MEIOC: variants seen among roughly 807,000 people sequenced by gnomAD.
MEIOC encodes the protein meiosis specific with coiled-coil domain.
A neutral mutation model predicts 85.3 loss-of-function variants in MEIOC; 9 were observed. The observed-to-expected ratio is 0.11, with a 90% CI of 0.06 to 0.18. The LOEUF (loss-of-function observed/expected upper bound fraction) is 0.18. Among genes scored for constraint, MEIOC ranks in the 10% least tolerant of loss-of-function variants. MEIOC has a pLI of 1.00. For missense variants in MEIOC, 898 were observed against 1,129.4 expected (o/e 0.80, Z 2.94); for synonymous variants, 365 against 393.7 (o/e 0.93, Z 0.86).
chr17:44,658,377 G>C (rs1485322609), intron 2 of MEIOC, among the ~76,000 whole-genome samples: 1 of 149,102 alleles, frequency 6.7e-6, no homozygotes, highest in East Asian at 2.1e-4. Context: ...GTATGGTCTC[G>C]ATCTCCTGAC....
intron 2 of MEIOC, 75 bp from the exon 3 acceptor site, chr17:44,662,242 G>A (rs1196697030): frequency 1.1e-5 from 12 of 1,133,948 alleles, no homozygotes; most frequent in Admixed American, 5.6e-5. Context: ...TGTTATTTCC[G>A]CTTTCTTATT....
At chr17:44,673,289 C>T in intron 6 of MEIOC, 77 bp from the exon 7 acceptor site, 1 of 1,049,418 alleles carries the variant, frequency 9.5e-7, no homozygotes, top group Non-Finnish European at 1.3e-6. Flanking sequence ...CATCTCTATT[C>T]TGCTTCACTG....
chr17:44,666,508 A>G lies in MEIOC; in HGVS notation c.597A>G (p.Glu199=), dbSNP rs1971905871. The G allele has an allele frequency of 6.2e-7, 1 of 1,605,138 alleles. No individual in the cohort carries two copies. The highest frequency in any genetic ancestry group is 1.7e-5 in the Admixed American group (1 of 58,606). The stretch of plus-strand genomic sequence containing the variant: ...CTCAGCAAGCTTTTTATAGTGATGA[A>G]TCTGTGTCAGCAATGGAAAAGCAAT... ...VISQQAFYSD[E]SVSAMEKQYL... The change falls in exon 5 of 8, where the codon GAA becomes GAG. Residue 199 remains glutamate, a synonymous_variant. Coordinates refer to ENST00000409122, the MANE Select transcript of MEIOC (RefSeq NM_001145080.3).
Position 44,665,501 on chromosome 17 carries a change from TC to T in MEIOC, c.464+14del. ...ATTTTGCTGAAGGGTTAGTATATAATCTATATAGTATATAACAGGCTTTTAA... is the reference window on the plus strand; with the variant it reads ...ATTTTGCTGAAGGGTTAGTATATAATTATATAGTATATAACAGGCTTTTAA... On this transcript the variant is annotated intron_variant, in intron 4 of 7. Transcript: ENST00000409122. 2.1e-6 allele frequency: 3 copies of T among 1,419,650 alleles called. No individual in the cohort carries two copies. Among genetic ancestry groups the T allele is most frequent in the Non-Finnish European group, 2.9e-6 (3 of 1,039,020 alleles). 87.9% of individuals were successfully genotyped at this position (1,419,650 alleles called of 1,614,324 possible). A position where few individuals can be genotyped will look rare whatever the true frequency, so the allele number is the denominator to read the frequency against.
Position 44,675,713 on chromosome 17 carries a change from G to A in MEIOC, c.*1517G>A. The stretch of plus-strand genomic sequence containing the variant: ...CAGTCACTGCATAGAAAGTGGTTAA[G>A]TTTAACATAAGACATGTTGGATGTT... On this transcript the variant is annotated 3_prime_UTR_variant, in exon 8 of 8. Coordinates refer to ENST00000409122, the MANE Select transcript of MEIOC (RefSeq NM_001145080.3). 1.0e-6 allele frequency: 1 copy of A among 982,346 alleles called. No homozygotes were observed. Among genetic ancestry groups the A allele is most frequent in the Non-Finnish European group, 1.2e-6 (1 of 827,144 alleles). The allele number at this position is 982,346 out of a possible 1,614,324, so 60.9% of individuals were successfully genotyped here.
In MEIOC at chr17:44,668,177, A is replaced by T. The variant is rs753844969; in HGVS notation, c.2266A>T (p.Ile756Phe). The change falls in exon 5 of 8, where the codon ATT becomes TTT. Residue 756 changes from isoleucine (I) to phenylalanine (F), a missense_variant. This residue lies in a region of MEIOC where 164 missense variants were observed against 269.2 expected (regional missense o/e 0.61). Coordinates refer to ENST00000409122, the MANE Select transcript of MEIOC (RefSeq NM_001145080.3). ...TAGTGGACCAGCCAGTGAACTTCAT[A>T]TTCGTCTAGAAGAGTGCTGTGAACA... ...TRSGPASELH[I>F]RLEECCEQWR... 3 of 1,613,950 alleles carry T rather than the reference A, an allele frequency of 1.9e-6. No individual in the cohort carries two copies. The highest frequency in any genetic ancestry group is 2.5e-6 in the Non-Finnish European group (3 of 1,179,844).
chr17:44,667,522 A>G lies in MEIOC; in HGVS notation c.1611A>G (p.Gln537=). The G allele has an allele frequency of 6.2e-7, 1 of 1,614,006 alleles. No individual in the cohort carries two copies. The highest frequency in any genetic ancestry group is 8.5e-7 in the Non-Finnish European group (1 of 1,179,886). Residue 537 remains glutamine (Q), a synonymous_variant, in exon 5 of 8, where the codon CAA becomes CAG. Transcript: ENST00000409122. ...PNSNLFQKYC[Q]ENPSAFSSFD... Reference sequence around the variant, plus strand: ...GCAATTTATTTCAGAAATATTGCCAAGAAAACCCTTCAGCATTTTCTAGTT... The same window carrying G: ...GCAATTTATTTCAGAAATATTGCCAGGAAAACCCTTCAGCATTTTCTAGTT...
At chr17:44,666,284 T>C (rs1971902118) in intron 4 of MEIOC, 92 bp from the exon 5 acceptor site, 5 of 1,076,824 alleles carry the variant, frequency 4.6e-6, no homozygotes, top group Non-Finnish European at 5.3e-6. Flanking sequence ...TGGGGCAAGA[T>C]AAATGTTTTT....
At chr17:44,660,677 C>CT (rs1383763841) in intron 2 of MEIOC, among the ~76,000 whole-genome samples, 8 of 152,136 alleles carry the variant, frequency 5.3e-5, no homozygotes, top group African/African-American at 1.7e-4. Flanking sequence ...TTTCAGTCTT[C>CT]TTTAAGGAAG....
chr17:44,670,746 A>T (rs1157264344), intron 6 of MEIOC: 1 of 139,840 alleles, frequency 7.2e-6, no homozygotes. Flanking sequence ...GCCATGTTGC[A>T]CAGGTTGGTC....
At chr17:44,671,828 C>T (rs1043496432) in intron 6 of MEIOC, among the ~76,000 whole-genome samples, 4 of 151,918 alleles carry the variant, frequency 2.6e-5, no homozygotes, top group Non-Finnish European at 5.9e-5. Flanking sequence ...ATGGTGTGAA[C>T]CTGGCAGACG....
intron 2 of MEIOC, among the ~76,000 whole-genome samples, chr17:44,658,211 G>A (rs1434039603): frequency 6.8e-6 from 1 of 147,926 alleles, no homozygotes; most frequent in Non-Finnish European, 1.5e-5. Context: ...CTGGAGTGCA[G>A]TGACGCAATC....
rs1157897773 is a variant in MEIOC, at chr17:44,656,647, C to T, written c.34C>T (p.Pro12Ser). The T allele has an allele frequency of 6.7e-7, 1 of 1,490,154 alleles. No individual in the cohort carries two copies. Among genetic ancestry groups the T allele is most frequent in the Admixed American group, 2.3e-5 (1 of 42,596 alleles). 92.3% of individuals were successfully genotyped at this position (1,490,154 alleles called of 1,614,324 possible). The change falls in exon 1 of 8, where the codon CCT becomes TCT. Residue 12 changes from proline to serine, a missense_variant. This residue lies in a region of MEIOC where 734 missense variants were observed against 860.1 expected (regional missense o/e 0.85). Coordinates refer to ENST00000409122, the MANE Select transcript of MEIOC (RefSeq NM_001145080.3). ...EVRRGDTCPR[P>S]HPSGLREEGL... is the part of the protein sequence containing the mutation. ...GAGACGCGGAGACACCTGCCCGCGCCCTCACCCCTCAGGCCTGAGGGAGGA... is the reference window on the plus strand; with the variant it reads ...GAGACGCGGAGACACCTGCCCGCGCTCTCACCCCTCAGGCCTGAGGGAGGA...
chr17:44,667,857 C>G lies in MEIOC; in HGVS notation c.1946C>G (p.Thr649Arg), dbSNP rs184219664. Residue 649 changes from threonine (T) to arginine (R), a missense_variant, in exon 5 of 8, where the codon ACG becomes AGG. Thr to Arg is a moderately conservative substitution (Grantham distance 71, BLOSUM62 -1). Transcript: ENST00000409122. ...ESQGHSNSHRTRGGDNSRVNR... is the reference protein window; with the variant it reads ...ESQGHSNSHRRRGGDNSRVNR... ...CAGGGTCATTCTAATAGCCACAGAA[C>G]GAGAGGTGGAGACAATAGCCGTGTG... 7 of 1,613,878 alleles carry G rather than the reference C, an allele frequency of 4.3e-6. No homozygotes were observed. Among genetic ancestry groups the G allele is most frequent in the Non-Finnish European group, 5.1e-6 (6 of 1,179,856 alleles).
intron 6 of MEIOC, chr17:44,670,169 G>A (rs1357618822): frequency 6.6e-6 from 1 of 151,304 alleles, no homozygotes; most frequent in Non-Finnish European, 1.5e-5. Context: ...AGGCTGAGGT[G>A]GGAAGATAGC....
chr17:44,664,886 A>G (rs189987540), intron 3 of MEIOC, among the ~76,000 whole-genome samples: 6 of 152,238 alleles, frequency 3.9e-5, no homozygotes, highest in Admixed American at 6.5e-5. Flanking sequence ...GGTGTCTAGG[A>G]TGACCATATC....
At position 44,667,801 on chromosome 17, in the gene MEIOC, A is replaced by G; in HGVS notation, c.1890A>G (p.Ser630=). 3 of 1,613,942 alleles carry G rather than the reference A, an allele frequency of 1.9e-6. No individual in the cohort carries two copies. Among genetic ancestry groups the G allele is most frequent in the Non-Finnish European group, 2.5e-6 (3 of 1,179,866 alleles). The change falls in exon 5 of 8, where the codon TCA becomes TCG. Residue 630 remains serine (S), a synonymous_variant. Coordinates refer to ENST00000409122, the MANE Select transcript of MEIOC (RefSeq NM_001145080.3). ...GTCCAAAGCATTTAGATGGCTTATCACAAAATACATACCAAGATCTACTGG... is the reference window on the plus strand; with the variant it reads ...GTCCAAAGCATTTAGATGGCTTATCGCAAAATACATACCAAGATCTACTGG... The part of the protein sequence containing the change: ...EEGPKHLDGL[S]QNTYQDLLES...
chr17:44,671,015 A>C (rs563350208), intron 6 of MEIOC: 1 of 152,278 alleles, frequency 6.6e-6, no homozygotes, highest in South Asian at 2.1e-4. Context: ...TTAGTTTTCC[A>C]AATAAAATTT....
chr17:44,676,921 A>C, downstream of MEIOC: 1 of 983,742 alleles, frequency 1.0e-6, no homozygotes, highest in Non-Finnish European at 1.2e-6. Context: ...TCAAAGCCTA[A>C]TGAGCTGATC....
Sources: allele counts gnomAD v4.1 joint callset (sites outside exome capture counted in the v4.1 genomes callset), GRCh38; gene constraint gnomAD v4.1.1; regional missense constraint gnomAD v4.1.1; transcripts MANE v1.5; gene names NCBI Gene and HGNC (gene_info 2026-07-23, HGNC 2026-07-21).